Variants in BAIAP2L1 observed in about 807,000 individuals in gnomAD.
BAIAP2L1 encodes BAR/IMD domain containing adaptor protein 2 like 1, also known as BAR/IMD domain-containing adapter protein 2-like 1.
In BAIAP2L1, 35 loss-of-function variants were observed where a neutral mutation model predicts 66.3. The ratio of observed to expected loss-of-function variants is 0.53; its 90% CI spans 0.40 to 0.70. The LOEUF (loss-of-function observed/expected upper bound fraction) is 0.70, where lower values mean the gene tolerates loss of function less well. Ranked by LOEUF, BAIAP2L1 falls within the 30% of genes least tolerant of loss-of-function variation. The pLI, the probability that BAIAP2L1 is intolerant of heterozygous loss-of-function variation, is 0.00. For missense variants in BAIAP2L1, 622 were observed against 656.9 expected, an observed-to-expected ratio of 0.95 and a Z score of 0.58; for synonymous variants, 269 against 248.7, an observed-to-expected ratio of 1.08 and a Z score of -0.77.
intron 2 of BAIAP2L1, among the ~76,000 whole-genome samples, chr7:98,357,669 C>T (rs1802169600): frequency 6.6e-6 from 1 of 151,554 alleles, no homozygotes; most frequent in South Asian, 2.1e-4. Flanking sequence ...CTATCTACTG[C>T]ACTATTATAA....
At chr7:98,353,005 TCAA>T (rs1802033584) in intron 3 of BAIAP2L1, among the ~76,000 whole-genome samples, 1 of 152,110 alleles carries the variant, frequency 6.6e-6, no homozygotes, top group African/African-American at 2.4e-5. Flanking sequence ...TATAATCATC[TCAA>T]CGACTCCCCC....
At chr7:98,372,568 C>T (rs1011964431) in intron 1 of BAIAP2L1, among the ~76,000 whole-genome samples, 5 of 151,986 alleles carry the variant, frequency 3.3e-5, no homozygotes, top group Admixed American at 2.0e-4. Context: ...TGGCTTGTAA[C>T]GTATGTATCC....
At chr7:98,315,421 G>GAAA in intron 7 of BAIAP2L1, 39 bp downstream of exon 7, 1 of 1,358,234 alleles carries the variant, frequency 7.4e-7, no homozygotes, top group Non-Finnish European at 9.6e-7. Context: ...ATGAAATAAA[G>GAAA]TTATTAATAC....
At chr7:98,338,166 C>T (rs1801655357) in intron 3 of BAIAP2L1, among the ~76,000 whole-genome samples, 1 of 152,180 alleles carries the variant, frequency 6.6e-6, no homozygotes, top group South Asian at 2.1e-4. Context: ...GGCATGGTGG[C>T]TCACGCTTGT....
chr7:98,397,365 CCCAGGCTGGAGT>C (rs1396869984), intron 1 of BAIAP2L1, among the ~76,000 whole-genome samples: 7 of 146,794 alleles, frequency 4.8e-5, no homozygotes, highest in African/African-American at 1.8e-4. Flanking sequence ...CGCTCTGTCG[CCCAGGCTGGAGT>C]GCAGTGGCGC....
chr7:98,395,134 C>CA (rs1362867315), intron 1 of BAIAP2L1, among the ~76,000 whole-genome samples: 2 of 150,966 alleles, frequency 1.3e-5, no homozygotes, highest in African/African-American at 2.4e-5. Flanking sequence ...AAAACAAAAC[C>CA]AAAGAAAGAA....
chr7:98,329,834 C>A (rs539378025), intron 3 of BAIAP2L1, among the ~76,000 whole-genome samples: 1 of 152,282 alleles, frequency 6.6e-6, no homozygotes, highest in Admixed American at 6.5e-5. Context: ...CTCCCCAGTA[C>A]TTGGCCACCA....
In BAIAP2L1 at chr7:98,397,967, AC is replaced by A. The variant is rs551801507; in HGVS notation, c.51+2834del. On this transcript the variant is annotated intron_variant, in intron 1 of 13. Transcript: ENST00000005260. ...TTTAGACATTTCAGCAAATGTGTAC[AC>A]AGCATATATTTAAGGATATTTGATA... 9.3e-4 allele frequency among the ~76,000 whole-genome samples: 142 copies of A among 152,334 alleles called. 2 individuals are homozygous for A. The highest frequency in any genetic ancestry group is 3.3e-3 in the African/African-American group (137 of 41,592).
intron 1 of BAIAP2L1, among the ~76,000 whole-genome samples, chr7:98,394,097 G>C (rs1045193188): frequency 4.6e-5 from 7 of 152,136 alleles, no homozygotes; most frequent in African/African-American, 1.7e-4. Flanking sequence ...CAAAAAATTA[G>C]CCGGGCGTGG....
chr7:98,314,550 T>C (rs942580072), intron 7 of BAIAP2L1, among the ~76,000 whole-genome samples: 15 of 152,214 alleles, frequency 9.9e-5, no homozygotes, highest in African/African-American at 3.6e-4. Context: ...ATGTGTTGCA[T>C]CATGATTCCT....
intron 3 of BAIAP2L1, among the ~76,000 whole-genome samples, chr7:98,340,931 G>C (rs1189064851): frequency 6.7e-6 from 1 of 148,746 alleles, no homozygotes; most frequent in East Asian, 2.0e-4. Flanking sequence ...TGGGATTACA[G>C]GTGCCTGCCA....
chr7:98,389,567 C>A (rs190202404), intron 1 of BAIAP2L1, among the ~76,000 whole-genome samples: 1 of 152,072 alleles, frequency 6.6e-6, no homozygotes, highest in East Asian at 1.9e-4. Flanking sequence ...GTGATCCGCC[C>A]GTGTCAGCCT....
intron 3 of BAIAP2L1, among the ~76,000 whole-genome samples, chr7:98,339,409 T>C (rs1011558780): frequency 2.0e-5 from 3 of 152,214 alleles, no homozygotes; most frequent in Non-Finnish European, 2.9e-5. Context: ...ACTCTTACTT[T>C]TAACAGTTTT....
At chr7:98,400,776 C>T (rs1453914884) in intron 1 of BAIAP2L1, 26 bp downstream of exon 1, 1 of 1,548,888 alleles carries the variant, frequency 6.5e-7, no homozygotes, top group East Asian at 2.5e-5. Flanking sequence ...GCCCTGACCT[C>T]CCTGAGCCCC....
chr7:98,358,038 T>G (rs904530344), intron 2 of BAIAP2L1, among the ~76,000 whole-genome samples: 1 of 152,218 alleles, frequency 6.6e-6, no homozygotes, highest in Non-Finnish European at 1.5e-5. Flanking sequence ...GATGTTAAGT[T>G]GTAAAGTACT....
rs561384669 is a variant in BAIAP2L1, at chr7:98,388,493, A to C, written c.51+12309T>G. On this transcript the variant is annotated intron_variant, in intron 1 of 13. Coordinates refer to ENST00000005260, the MANE Select transcript of BAIAP2L1 (RefSeq NM_018842.5). ...GAGTGACAGGGCGAGACTCCCTCTCAAAAACAAAACAAAACAAACCCATGT... is the reference window on the plus strand; with the variant it reads ...GAGTGACAGGGCGAGACTCCCTCTCCAAAACAAAACAAAACAAACCCATGT... Among the ~76,000 whole-genome samples the C allele has an allele frequency of 3.3e-3, 498 of 151,476 alleles. 3 individuals are homozygous for C. Among genetic ancestry groups the C allele is most frequent in the African/African-American group, 0.011 (472 of 41,414 alleles).
chr7:98,305,033 T>A, intron 11 of BAIAP2L1, among the ~76,000 whole-genome samples: 1 of 130,808 alleles, frequency 7.6e-6, no homozygotes, highest in African/African-American at 3.0e-5. Context: ...GCCCAGCTAA[T>A]TTTTTTGTTT....
intron 3 of BAIAP2L1, among the ~76,000 whole-genome samples, chr7:98,324,035 C>T (rs538637217): frequency 4.6e-5 from 7 of 152,078 alleles, no homozygotes; most frequent in Non-Finnish European, 8.8e-5. Flanking sequence ...AAAAAAAACC[C>T]GGAGGGTGGG....
chr7:98,304,457 G>A (rs1800554685), intron 11 of BAIAP2L1, 81 bp from the exon 12 acceptor site: 2 of 1,406,706 alleles, frequency 1.4e-6, no homozygotes, highest in Non-Finnish European at 2.0e-6. Context: ...CCCTGACCAA[G>A]GACAACAGTA....
Sources: gnomAD v4.1 joint callset for allele counts (sites outside exome capture counted in the v4.1 genomes callset) on GRCh38, gnomAD v4.1.1 for gene constraint, MANE v1.5 for transcripts, NCBI Gene and HGNC (gene_info 2026-07-23, HGNC 2026-07-21) for gene names.